A2ML1: variants seen among roughly 807,000 people sequenced by gnomAD.
A2ML1 encodes alpha-2-macroglobulin like 1, also known as alpha-2-macroglobulin-like protein 1.
Under a neutral mutation model 181.9 loss-of-function variants are expected in A2ML1, and 161 were observed. That is an observed-to-expected ratio of 0.89 (90% confidence interval 0.78 to 1.01). The LOEUF is 1.01. Ranked by LOEUF, A2ML1 falls within the 50% of genes least tolerant of loss-of-function variation. A2ML1 has a pLI of 0.00. For missense variants in A2ML1, 1,670 were observed against 1,768.1 expected, an observed-to-expected ratio of 0.94 and a Z score of 1.00; for synonymous variants, 663 against 666.8, an observed-to-expected ratio of 0.99 and a Z score of 0.09.
At position 8,837,574 on chromosome 12, in the gene A2ML1, A is replaced by G; in HGVS notation, c.855+8A>G. ...AGGAACCTCTCTGGACAGGTGAGTA[A>G]ATGACAGGTTAAAAAGGAACCTATC... On this transcript the variant is annotated splice_region_variant and intron_variant, in intron 8 of 35. Transcript: ENST00000299698. The G allele has an allele frequency of 6.2e-7, 1 of 1,611,514 alleles. No individual in the cohort carries two copies. The highest frequency in any genetic ancestry group is 8.5e-7 in the Non-Finnish European group (1 of 1,178,492).
At chr12:8,827,471 T>C (rs887952733) in intron 3 of A2ML1, among the ~76,000 whole-genome samples, 1 of 152,256 alleles carries the variant, frequency 6.6e-6, no homozygotes, top group African/African-American at 2.4e-5. Context: ...TTCTCTTTGT[T>C]AAATTTATCT....
intron 28 of A2ML1, 38 bp downstream of exon 28, chr12:8,861,335 A>T (rs2136932351): frequency 6.2e-7 from 1 of 1,608,166 alleles, no homozygotes; most frequent in East Asian, 2.2e-5. Context: ...GAAATTGTGA[A>T]CATAAGCTGT....
At chr12:8,881,965 T>G (rs1470711671) in intron 7 of A2ML1, among the ~76,000 whole-genome samples, 1 of 151,188 alleles carries the variant, frequency 6.6e-6, no homozygotes, top group African/African-American at 2.4e-5. Flanking sequence ...GAGCCGAGAT[T>G]GCGCCACTGC....
chr12:8,867,939 T>TC lies in A2ML1; in HGVS notation c.3817dup (p.Gln1273ProfsTer10), dbSNP rs1403963355. ...CTGGTTGTAAAATCCACTGAGAATT[T>TC]CCAGCGCACATTCAACATACAGTCA... On this transcript the variant is annotated frameshift_variant, in exon 30 of 36. Coordinates refer to ENST00000299698, the MANE Select transcript of A2ML1 (RefSeq NM_144670.6). LOFTEE classifies it high-confidence loss of function. The TC allele has an allele frequency of 6.2e-7, 1 of 1,614,114 alleles. No homozygotes were observed. Among genetic ancestry groups the TC allele is most frequent in the East Asian group, 2.2e-5 (1 of 44,892 alleles).
chr12:8,879,203 A>C (rs1350789438), downstream of A2ML1, among the ~76,000 whole-genome samples: 1 of 151,994 alleles, frequency 6.6e-6, no homozygotes, highest in Admixed American at 6.6e-5. Flanking sequence ...AAAGAAAAGA[A>C]GGTAGTTGTC....
intron 25 of A2ML1, 116 bp from the exon 26 acceptor site, chr12:8,857,830 G>C: frequency 7.1e-7 from 1 of 1,412,584 alleles, no homozygotes. Flanking sequence ...GGCCTGCTAT[G>C]GCATATGTTC....
chr12:8,887,241 G>A (rs768421336), downstream of A2ML1, among the ~76,000 whole-genome samples: 2 of 152,046 alleles, frequency 1.3e-5, no homozygotes, highest in Non-Finnish European at 2.9e-5. Context: ...AAAATTAAAA[G>A]AAATTAAATT....
rs1402503240 is a variant in A2ML1 at position 8,852,047 on chromosome 12, C to G, written c.2463+35C>G. On this transcript the variant is annotated intron_variant, in intron 19 of 35. Transcript: ENST00000299698. This position sits in a 1 kb window ranked among gnomAD's most constrained non-coding sequence, Gnocchi z 4.2. ...GGGGATACAGGAATCAGGTGTCAGC[C>G]CTGGAATCACACCTCCCCCATAAGT... 1.2e-6 allele frequency: 2 copies of G among 1,603,562 alleles called. No homozygotes were observed. Among genetic ancestry groups the G allele is most frequent in the Admixed American group, 3.3e-5 (2 of 59,870 alleles).
In A2ML1 at chr12:8,851,928, C is replaced by T; in HGVS notation, c.2379C>T (p.Asp793=). ...GLTAFKPFFV[D]LTLPYSVVRG... Reference sequence around the variant, plus strand: ...CTGCTTTCAAGCCGTTCTTTGTTGACCTGACTCTCCCTTACTCAGTAGTCC... The same window carrying T: ...CTGCTTTCAAGCCGTTCTTTGTTGATCTGACTCTCCCTTACTCAGTAGTCC... Residue 793 remains aspartate, a synonymous_variant, in exon 19 of 36, where the codon GAC becomes GAT. Coordinates refer to ENST00000299698, the MANE Select transcript of A2ML1 (RefSeq NM_144670.6). 1 of 1,614,190 alleles carries T rather than the reference C, an allele frequency of 6.2e-7. No homozygotes were observed.
chr12:8,835,336 A>G (rs746557489), intron 5 of A2ML1, among the ~76,000 whole-genome samples, 171 bp from the exon 6 acceptor site: 1 of 152,238 alleles, frequency 6.6e-6, no homozygotes, highest in Non-Finnish European at 1.5e-5. Flanking sequence ...TCATTCCGCC[A>G]TAAAGAAAGT....
intron 33 of A2ML1, among the ~76,000 whole-genome samples, chr12:8,870,353 T>C (rs368474194): frequency 6.6e-6 from 1 of 152,116 alleles, no homozygotes; most frequent in Non-Finnish European, 1.5e-5. Context: ...CTGTAAGCTC[T>C]GCCTCCCGGG....
chr12:8,872,747 A>G (rs1333315627), intron 33 of A2ML1, among the ~76,000 whole-genome samples: 3 of 150,542 alleles, frequency 2.0e-5, no homozygotes, highest in Admixed American at 6.6e-5. Context: ...TCATGCCACT[A>G]TACTCTAGCC....
intron 3 of A2ML1, among the ~76,000 whole-genome samples, chr12:8,827,473 A>G (rs1372592835): frequency 1.3e-5 from 2 of 151,454 alleles, no homozygotes; most frequent in Admixed American, 6.6e-5. Flanking sequence ...CTCTTTGTTA[A>G]ATTTATCTGA....
At chr12:8,846,997 C>T (rs113300928) in intron 14 of A2ML1, among the ~76,000 whole-genome samples, 4,507 of 150,748 alleles carry the variant, frequency 0.03, 226 homozygotes, top group African/African-American at 0.1. Flanking sequence ...TGCAATGGTG[C>T]GATCTCGGCT....
chr12:8,825,700 T>TTCTTATATA (rs1367289962), intron 3 of A2ML1, among the ~76,000 whole-genome samples: 1 of 151,830 alleles, frequency 6.6e-6, no homozygotes, highest in Non-Finnish European at 1.5e-5. Context: ...CCCCAAAGTT[T>TTCTTATATA]TCTTATATAT....
chr12:8,847,448 G>A (rs1396415917), intron 14 of A2ML1, 101 bp from the exon 15 acceptor site: 1 of 1,330,268 alleles, frequency 7.5e-7, no homozygotes, highest in African/African-American at 1.5e-5. Flanking sequence ...GAATGGGTTG[G>A]ATGTCATAGC....
At chr12:8,861,689 G>A (rs1221681634) in intron 28 of A2ML1, among the ~76,000 whole-genome samples, 3 of 151,524 alleles carry the variant, frequency 2.0e-5, no homozygotes, top group Admixed American at 2.0e-4. Flanking sequence ...GGGTTTCACC[G>A]TGTTAGCCAG....
intron 3 of A2ML1, among the ~76,000 whole-genome samples, chr12:8,824,933 T>C (rs1209555118): frequency 2.6e-5 from 4 of 152,222 alleles, no homozygotes; most frequent in Admixed American, 1.3e-4. Flanking sequence ...TTCTTTTTTA[T>C]GGCTGAATAG....
At chr12:8,885,336 A>G (rs1207288901) in intron 7 of A2ML1, among the ~76,000 whole-genome samples, 1 of 152,172 alleles carries the variant, frequency 6.6e-6, no homozygotes, top group Non-Finnish European at 1.5e-5. Flanking sequence ...ACTTGAGGCC[A>G]GGAGTTTGAA....
Sources: allele counts gnomAD v4.1 joint callset (sites outside exome capture counted in the v4.1 genomes callset), GRCh38; gene constraint gnomAD v4.1.1; non-coding constraint Gnocchi (gnomAD v3.1); transcripts MANE v1.5; gene names NCBI Gene and HGNC (gene_info 2026-07-23, HGNC 2026-07-21).